NUP93: variants seen among roughly 807,000 people sequenced by gnomAD.
The protein encoded by NUP93 is nuclear pore complex protein Nup93.
NUP93 carries 55 observed loss-of-function variants against 107.8 expected under a neutral mutation model. The ratio of observed to expected loss-of-function variants is 0.51; its 90% CI spans 0.41 to 0.64. The LOEUF (loss-of-function observed/expected upper bound fraction) is 0.64. Ranked by LOEUF, NUP93 falls within the 30% of genes least tolerant of loss-of-function variation. The pLI, the probability that NUP93 is intolerant of heterozygous loss-of-function variation, is 0.00. For missense variants in NUP93, 937 were observed against 1,044.7 expected (o/e 0.90, Z 1.42); for synonymous variants, 390 against 397.5 (o/e 0.98, Z 0.22).
At chr16:56,795,812 A>T (rs1299778800) in intron 3 of NUP93, among the ~76,000 whole-genome samples, 4 of 151,938 alleles carry the variant, frequency 2.6e-5, no homozygotes, top group Non-Finnish European at 4.4e-5. Flanking sequence ...ACGGCTGGCT[A>T]ATCTTTGTGT....
intron 3 of NUP93, among the ~76,000 whole-genome samples, chr16:56,793,228 A>G (rs750102154): frequency 1.4e-4 from 21 of 152,214 alleles, no homozygotes; most frequent in Non-Finnish European, 2.5e-4. Context: ...AGCAGTACAC[A>G]GATGGGGAAG....
chr16:56,775,947 T>C (rs1438349683), intron 3 of NUP93, among the ~76,000 whole-genome samples: 1 of 152,200 alleles, frequency 6.6e-6, no homozygotes, highest in African/African-American at 2.4e-5. Flanking sequence ...ATAGTTGCTG[T>C]TTCAAATTCA....
intron 3 of NUP93, among the ~76,000 whole-genome samples, chr16:56,798,123 A>C (rs1488959525): frequency 2.0e-5 from 3 of 152,268 alleles, no homozygotes; most frequent in Admixed American, 6.5e-5. Flanking sequence ...ACTAAGGAAC[A>C]GTTAGAGGAA....
intron 3 of NUP93, among the ~76,000 whole-genome samples, chr16:56,769,398 T>C (rs1283316390): frequency 1.3e-5 from 2 of 152,148 alleles, no homozygotes; most frequent in Admixed American, 6.5e-5. Context: ...TTCTCAACCC[T>C]GATGTGAACT....
chr16:56,828,237 A>C (rs1270089567), intron 8 of NUP93, among the ~76,000 whole-genome samples: 1 of 152,086 alleles, frequency 6.6e-6, no homozygotes, highest in South Asian at 2.1e-4. Context: ...GAAAGACAAA[A>C]ATAGTGGTAG....
chr16:56,752,066 A>G (rs1012938467), intron 2 of NUP93, among the ~76,000 whole-genome samples: 1 of 152,220 alleles, frequency 6.6e-6, no homozygotes, highest in Non-Finnish European at 1.5e-5. Context: ...TTCTTTTCTG[A>G]CAATTCTAGT....
At chr16:56,782,057 CCTT>C (rs1424819976) in intron 3 of NUP93, 3 of 985,336 alleles carry the variant, frequency 3.0e-6, no homozygotes, top group East Asian at 1.1e-4. Flanking sequence ...TTCTCTCTGT[CCTT>C]CTCCCCACCC....
chr16:56,777,888 A>G (rs1459223235), intron 3 of NUP93, among the ~76,000 whole-genome samples: 2 of 152,184 alleles, frequency 1.3e-5, no homozygotes, highest in African/African-American at 2.4e-5. Context: ...GCTCCCCTTT[A>G]AGTATAACTG....
At chr16:56,798,681 A>G (rs1962953254) in intron 4 of NUP93, 143 bp downstream of exon 4, 2 of 682,144 alleles carry the variant, frequency 2.9e-6, no homozygotes, top group South Asian at 3.7e-5. Flanking sequence ...CAGCCTAGGC[A>G]ACATAGTGAG....
chr16:56,842,843 G>T, intron 21 of NUP93: 1 of 299,150 alleles, frequency 3.3e-6, no homozygotes, highest in Non-Finnish European at 6.6e-6. Context: ...GTGAGCCACC[G>T]TTCCCGGCCC....
chr16:56,799,148 G>A (rs1323064933), intron 4 of NUP93, among the ~76,000 whole-genome samples: 2 of 152,078 alleles, frequency 1.3e-5, no homozygotes, highest in Non-Finnish European at 1.5e-5. Flanking sequence ...TGGCATTTTG[G>A]TTTCTACTGA....
chr16:56,827,936 A>G (rs921351749), intron 8 of NUP93, among the ~76,000 whole-genome samples: 1 of 152,222 alleles, frequency 6.6e-6, no homozygotes, highest in African/African-American at 2.4e-5. Flanking sequence ...CCTGGCCAAA[A>G]TGGTGAAACC....
chr16:56,740,779 C>G (rs1961721398), intron 1 of NUP93: 1 of 157,894 alleles, frequency 6.3e-6, no homozygotes, highest in African/African-American at 2.4e-5. Flanking sequence ...GTCCCGGCAC[C>G]TCGGGAGGCC....
chr16:56,741,615 C>A (rs554889808), intron 1 of NUP93, among the ~76,000 whole-genome samples: 192 of 152,020 alleles, frequency 1.3e-3, no homozygotes, highest in Non-Finnish European at 2.3e-3. Flanking sequence ...CGAAAATAAT[C>A]AAAAATAATT....
rs1479642349 is a variant in NUP93, at chr16:56,848,454, A to T, written c.*3845A>T. The T allele has an allele frequency of 6.6e-6, 1 of 152,210 alleles. No individual in the cohort carries two copies. Among genetic ancestry groups the T allele is most frequent in the Non-Finnish European group, 1.5e-5 (1 of 68,030 alleles). The allele number at this position is 152,210 out of a possible 1,614,324, so 9.4% of individuals were successfully genotyped here. A position where few individuals can be genotyped will look rare whatever the true frequency, so the allele number is the denominator to read the frequency against. ...CAGGAAGAAGTCAGCATCTCATTAA[A>T]CAGGAGTTGTCTAAACTGTGGAAGA... On this transcript the variant is annotated 3_prime_UTR_variant, in exon 22 of 22. Coordinates refer to ENST00000308159, the MANE Select transcript of NUP93 (RefSeq NM_014669.5).
In NUP93 at chr16:56,805,531, C is replaced by G; in HGVS notation, c.388C>G (p.Arg130Gly). 2 of 1,613,928 alleles carry G rather than the reference C, an allele frequency of 1.2e-6. No homozygotes were observed. The highest frequency in any genetic ancestry group is 1.7e-6 in the Non-Finnish European group (2 of 1,179,974). Residue 130 changes from arginine (R) to glycine (G), a missense_variant, in exon 5 of 22, where the codon CGG becomes GGG. Coordinates refer to ENST00000308159, the MANE Select transcript of NUP93 (RefSeq NM_014669.5). ...RTFGMAEEYH[R>G]ESMLVEWEQV... ...CTTCGGCATGGCTGAGGAGTACCAT[C>G]GGGAGTCAATGTTGGTTGAGTGGGA... is the stretch of plus-strand genomic sequence containing the variant.
At chr16:56,808,686 T>C (rs1596823807) in intron 5 of NUP93, among the ~76,000 whole-genome samples, 1 of 133,088 alleles carries the variant, frequency 7.5e-6, no homozygotes, top group East Asian at 2.2e-4. Flanking sequence ...AAAATACATA[T>C]ATTTATAAAT....
chr16:56,819,994 C>T (rs1178291849), intron 6 of NUP93, among the ~76,000 whole-genome samples: 1 of 152,186 alleles, frequency 6.6e-6, no homozygotes, highest in Admixed American at 6.5e-5. Flanking sequence ...TCCCCCTGTG[C>T]ATCTGTATTC....
chr16:56,829,067 T>C lies in NUP93; in HGVS notation c.885T>C (p.Ser295=). 1.2e-6 allele frequency: 2 copies of C among 1,613,218 alleles called. No homozygotes were observed. The highest frequency in any genetic ancestry group is 1.3e-5 in the African/African-American group (1 of 75,036). ...GVPGTYQLVR[S]FLNIKLPAPL... ...CTGGGACTTACCAATTGGTTCGAAG[T>C]TTCCTGAACATTAAACTGCCAGCTC... is the stretch of plus-strand genomic sequence containing the variant. Residue 295 remains serine, a synonymous_variant, in exon 9 of 22, where the codon AGT becomes AGC. Coordinates refer to ENST00000308159, the MANE Select transcript of NUP93 (RefSeq NM_014669.5).
Sources: allele counts gnomAD v4.1 joint callset (sites outside exome capture counted in the v4.1 genomes callset), GRCh38; gene constraint gnomAD v4.1.1; transcripts MANE v1.5; gene names NCBI Gene and HGNC (gene_info 2026-07-23, HGNC 2026-07-21).